NEBL: variants seen among roughly 807,000 people sequenced by gnomAD.
The protein encoded by NEBL is LIM and SH3 protein 2.
NEBL carries 122 observed loss-of-function variants against 140.2 expected under a neutral mutation model. That is an observed-to-expected ratio of 0.87 (90% CI 0.75 to 1.01). NEBL has a LOEUF of 1.01. NEBL is among the 50% of genes least tolerant of loss of function. The pLI is 0.00. For synonymous variants in NEBL, 436 were observed against 398.9 expected (o/e 1.09, Z -1.11); for missense variants, 1,365 against 1,231.3 (o/e 1.11, Z -1.62).
exon 1 of NEBL, chr10:21,174,097 T>C (rs1296659933): frequency 2.1e-6 from 2 of 959,348 alleles, no homozygotes; most frequent in Non-Finnish European, 2.5e-6. Context: ...TCTGCGTCGC[T>C]CGCACTCCAG....
chr10:20,934,518 T>C (rs1834372783), intron 4 of NEBL, among the ~76,000 whole-genome samples: 2 of 152,148 alleles, frequency 1.3e-5, no homozygotes, highest in African/African-American at 4.8e-5. Flanking sequence ...GTGACGTGCA[T>C]GACTTCCAGA....
intron 4 of NEBL, among the ~76,000 whole-genome samples, chr10:20,951,662 GT>G (rs1047873282): frequency 2.6e-5 from 4 of 151,966 alleles, no homozygotes; most frequent in African/African-American, 9.7e-5. Flanking sequence ...AAAACAACAG[GT>G]TTTAAACCTG....
At chr10:21,036,465 T>C (rs1834020503) in intron 2 of NEBL, among the ~76,000 whole-genome samples, 1 of 151,836 alleles carries the variant, frequency 6.6e-6, no homozygotes, top group Non-Finnish European at 1.5e-5. Context: ...AATTTAAAAC[T>C]TTAAAAAATA....
At chr10:21,090,557 C>T (rs1031178202) in intron 2 of NEBL, among the ~76,000 whole-genome samples, 35 of 152,118 alleles carry the variant, frequency 2.3e-4, no homozygotes, top group African/African-American at 8.2e-4. Flanking sequence ...GGACTGTATT[C>T]CCTCCTTTGT....
intron 3 of NEBL, among the ~76,000 whole-genome samples, chr10:21,187,797 A>C (rs1841501265): frequency 6.6e-6 from 1 of 152,214 alleles, no homozygotes; most frequent in South Asian, 2.1e-4. Context: ...TACAGATGTG[A>C]GCCACAGCAC....
At chr10:21,117,253 A>C (rs576296931) in intron 2 of NEBL, among the ~76,000 whole-genome samples, 2 of 151,922 alleles carry the variant, frequency 1.3e-5, no homozygotes, top group Admixed American at 6.6e-5. Context: ...AAAAAAAAAA[A>C]CAAACTATTG....
At chr10:21,061,225 CATT>C (rs1835262884) in intron 2 of NEBL, among the ~76,000 whole-genome samples, 1 of 87,386 alleles carries the variant, frequency 1.1e-5, no homozygotes, top group African/African-American at 4.9e-5. Flanking sequence ...AGAGATGTGG[CATT>C]ATATATTGTG....
chr10:20,782,827 T>C lies in NEBL; in HGVS notation c.*2920A>G, dbSNP rs983677127. 6 of 152,594 alleles carry C rather than the reference T, an allele frequency of 3.9e-5. No homozygotes were observed. Among genetic ancestry groups the C allele is most frequent in the African/African-American group, 1.4e-4 (6 of 41,464 alleles). 9.5% of individuals were successfully genotyped at this position (152,594 alleles called of 1,614,324 possible). The stretch of plus-strand genomic sequence containing the variant: ...CATAGGTTAGAAATAGAAAGCTTTC[T>C]AGAGAACAAGAATTATTAGTAAAAA... On this transcript the variant is annotated 3_prime_UTR_variant, in exon 28 of 28. Coordinates refer to ENST00000377122, the MANE Select transcript of NEBL (RefSeq NM_006393.3).
intron 3 of NEBL, among the ~76,000 whole-genome samples, chr10:21,210,147 T>G (rs1841893278): frequency 6.6e-6 from 1 of 152,158 alleles, no homozygotes; most frequent in Non-Finnish European, 1.5e-5. Context: ...ATCCCAGCAC[T>G]TTGGGAGGCC....
chr10:21,240,635 T>C (rs1394223879), intron 3 of NEBL, among the ~76,000 whole-genome samples: 1 of 152,140 alleles, frequency 6.6e-6, no homozygotes, highest in African/African-American at 2.4e-5. Context: ...AAAAAAGCCA[T>C]GATATTAGAT....
chr10:20,932,726 A>C (rs2131539820), intron 4 of NEBL, among the ~76,000 whole-genome samples: 1 of 152,340 alleles, frequency 6.6e-6, no homozygotes, highest in South Asian at 2.1e-4. Flanking sequence ...TTTACATAAA[A>C]CCATTTTATT....
At chr10:21,249,215 G>C (rs1033916736) in intron 2 of NEBL, among the ~76,000 whole-genome samples, 13 of 151,846 alleles carry the variant, frequency 8.6e-5, no homozygotes, top group Non-Finnish European at 1.5e-5. Flanking sequence ...TGGGTTGTTT[G>C]GTACTTTTTG....
At chr10:20,893,225 A>T (rs1156899726) in intron 2 of NEBL, among the ~76,000 whole-genome samples, 1 of 152,166 alleles carries the variant, frequency 6.6e-6, no homozygotes, top group Admixed American at 6.5e-5. Context: ...ATGACTCCCC[A>T]TCAGAAGACT....
intron 2 of NEBL, among the ~76,000 whole-genome samples, chr10:21,044,415 A>AAAT (rs1834415468): frequency 6.7e-6 from 1 of 148,452 alleles, no homozygotes; most frequent in African/African-American, 2.4e-5. Flanking sequence ...AAAAAAAAAA[A>AAAT]AAAAAAAAAA....
chr10:21,166,260 A>AT (rs1241601967), intron 2 of NEBL, among the ~76,000 whole-genome samples: 1 of 101,068 alleles, frequency 9.9e-6, no homozygotes. Context: ...AGAAAAAAAA[A>AT]TTTTCTACAT....
intron 2 of NEBL, among the ~76,000 whole-genome samples, chr10:21,061,449 A>G (rs1378672483): frequency 6.7e-6 from 1 of 148,400 alleles, no homozygotes; most frequent in African/African-American, 2.4e-5. Flanking sequence ...TATATATCGT[A>G]TATTACATGA....
intron 2 of NEBL, among the ~76,000 whole-genome samples, chr10:21,143,866 GAA>G: frequency 8.2e-6 from 1 of 121,542 alleles, no homozygotes; most frequent in South Asian, 2.6e-4. Flanking sequence ...GACAAGAAAA[GAA>G]AAAAAAAAAG....
chr10:20,933,721 G>A (rs1008072322), intron 4 of NEBL, among the ~76,000 whole-genome samples: 1 of 152,228 alleles, frequency 6.6e-6, no homozygotes, highest in Non-Finnish European at 1.5e-5. Flanking sequence ...TTGGGTGACA[G>A]AGGGAGACTC....
chr10:20,899,083 C>T (rs1847724210), upstream of NEBL, among the ~76,000 whole-genome samples: 1 of 152,170 alleles, frequency 6.6e-6, no homozygotes, highest in Non-Finnish European at 1.5e-5. Flanking sequence ...GTGGATTCCA[C>T]AAGGACATTC....
Sources: allele counts gnomAD v4.1 joint callset (sites outside exome capture counted in the v4.1 genomes callset), GRCh38; gene constraint gnomAD v4.1.1; transcripts MANE v1.5; gene names NCBI Gene and HGNC (gene_info 2026-07-23, HGNC 2026-07-21).